The following EPHA3 variants were observed in gnomAD, a reference collection of about 807,000 sequenced individuals.
EPHA3 encodes the protein ephrin type-A receptor 3.
In EPHA3, 42 loss-of-function variants were observed where a neutral mutation model predicts 107.1. The ratio of observed to expected loss-of-function variants is 0.39; its 90% confidence interval spans 0.31 to 0.51. The LOEUF (loss-of-function observed/expected upper bound fraction) is 0.51. Ranked by LOEUF, EPHA3 falls within the 20% of genes least tolerant of loss-of-function variation. The pLI, the probability that EPHA3 is intolerant of heterozygous loss-of-function variation, is 0.78. For missense variants in EPHA3, 1,183 were observed against 1,211.2 expected (o/e 0.98, Z 0.35); for synonymous variants, 461 against 424.8 (o/e 1.09, Z -1.05).
chr3:89,391,249 A>G (rs1209972145), intron 5 of EPHA3, among the ~76,000 whole-genome samples: 1 of 152,128 alleles, frequency 6.6e-6, no homozygotes, highest in Admixed American at 6.5e-5. Flanking sequence ...TTTCTTTAGT[A>G]CTGGCGGTGT....
intron 2 of EPHA3, among the ~76,000 whole-genome samples, chr3:89,168,174 T>C (rs1705120885): frequency 6.6e-6 from 1 of 152,172 alleles, no homozygotes; most frequent in South Asian, 2.1e-4. Flanking sequence ...TAATTATTCA[T>C]AACTGCTATT....
intron 3 of EPHA3, among the ~76,000 whole-genome samples, chr3:89,305,882 T>G (rs1299993948): frequency 6.6e-6 from 1 of 152,178 alleles, no homozygotes; most frequent in Non-Finnish European, 1.5e-5. Flanking sequence ...AAACACCAGC[T>G]TAAATATCAT....
intron 3 of EPHA3, among the ~76,000 whole-genome samples, chr3:89,255,586 G>T (rs1223425849): frequency 1.3e-5 from 2 of 151,910 alleles, no homozygotes; most frequent in Non-Finnish European, 2.9e-5. Flanking sequence ...GAAAAACTGT[G>T]TCCAACCCTG....
intron 3 of EPHA3, among the ~76,000 whole-genome samples, chr3:89,275,077 T>C (rs1407247018): frequency 6.6e-6 from 1 of 152,006 alleles, no homozygotes; most frequent in African/African-American, 2.4e-5. Context: ...CAAGGTCAAA[T>C]AGATAGTAAG....
chr3:89,381,224 G>A (rs529331125), intron 5 of EPHA3, among the ~76,000 whole-genome samples: 6 of 151,696 alleles, frequency 4.0e-5, no homozygotes, highest in East Asian at 4.0e-4. Context: ...CGCCTGCCTC[G>A]GCCTCCCAGA....
chr3:89,291,475 A>T (rs1190428371), intron 3 of EPHA3, among the ~76,000 whole-genome samples: 1 of 152,150 alleles, frequency 6.6e-6, no homozygotes, highest in Non-Finnish European at 1.5e-5. Flanking sequence ...ATATATAGAG[A>T]TATAGATAAA....
chr3:89,394,345 A>G (rs1708806756), intron 5 of EPHA3, among the ~76,000 whole-genome samples: 1 of 152,214 alleles, frequency 6.6e-6, no homozygotes, highest in South Asian at 2.1e-4. Context: ...GTAAGCCGAG[A>G]TCACATCACT....
intron 3 of EPHA3, among the ~76,000 whole-genome samples, chr3:89,213,279 T>G (rs564566841): frequency 5.9e-4 from 90 of 152,090 alleles, no homozygotes; most frequent in Non-Finnish European, 1.1e-3. Context: ...AGAAACATCT[T>G]GCTTAGAACA....
intron 2 of EPHA3, among the ~76,000 whole-genome samples, chr3:89,180,231 C>T (rs1351439751): frequency 6.6e-6 from 1 of 151,786 alleles, no homozygotes. Context: ...TGCTATACAT[C>T]TAAGATATCT....
At chr3:89,422,724 C>CAA (rs776279790) in intron 11 of EPHA3, among the ~76,000 whole-genome samples, 12 of 151,196 alleles carry the variant, frequency 7.9e-5, no homozygotes, top group Non-Finnish European at 1.6e-4. Flanking sequence ...TTTTTTTGCT[C>CAA]AAAGATAAAT....
intron 12 of EPHA3, 124 bp from the exon 13 acceptor site, chr3:89,431,026 C>T: frequency 1.1e-6 from 1 of 919,968 alleles, no homozygotes; most frequent in Non-Finnish European, 1.6e-6. Context: ...GTCTTGAGTG[C>T]TTAGGACTAA....
chr3:89,417,723 T>C (rs1187085987), intron 10 of EPHA3, among the ~76,000 whole-genome samples: 2 of 151,480 alleles, frequency 1.3e-5, no homozygotes, highest in African/African-American at 4.8e-5. Flanking sequence ...ATCATTATCT[T>C]CTCTACACTT....
At chr3:89,115,860 C>G (rs1309894453) in intron 1 of EPHA3, among the ~76,000 whole-genome samples, 2 of 152,186 alleles carry the variant, frequency 1.3e-5, no homozygotes, top group African/African-American at 4.8e-5. Context: ...ACACAAATGA[C>G]TATGAACTAG....
chr3:89,114,305 C>T (rs1707197570), intron 1 of EPHA3, among the ~76,000 whole-genome samples: 1 of 152,148 alleles, frequency 6.6e-6, no homozygotes, highest in Admixed American at 6.5e-5. Flanking sequence ...AATGTGGCAA[C>T]AGGGAGATGA....
intron 2 of EPHA3, among the ~76,000 whole-genome samples, chr3:89,159,071 A>G (rs1451722813): frequency 1.3e-5 from 2 of 152,116 alleles, no homozygotes; most frequent in African/African-American, 2.4e-5. Flanking sequence ...TTAATATATT[A>G]GTTCATTTTG....
intron 7 of EPHA3, among the ~76,000 whole-genome samples, chr3:89,402,380 T>A (rs1708981655): frequency 6.6e-6 from 1 of 152,190 alleles, no homozygotes; most frequent in South Asian, 2.1e-4. Flanking sequence ...ATTTAAAAAC[T>A]GTGAGTTACA....
intron 3 of EPHA3, among the ~76,000 whole-genome samples, chr3:89,260,755 A>G (rs1705393584): frequency 6.6e-6 from 1 of 152,186 alleles, no homozygotes; most frequent in Non-Finnish European, 1.5e-5. Flanking sequence ...TGCTCTATTG[A>G]CAGAACATAA....
chr3:89,392,362 C>T (rs952095515), intron 5 of EPHA3, among the ~76,000 whole-genome samples: 2 of 151,900 alleles, frequency 1.3e-5, no homozygotes, highest in Admixed American at 6.6e-5. Context: ...TCTCTTGAAC[C>T]CGAGAAGTGG....
At chr3:89,170,667 A>G (rs1360711294) in intron 2 of EPHA3, among the ~76,000 whole-genome samples, 1 of 152,196 alleles carries the variant, frequency 6.6e-6, no homozygotes, top group African/African-American at 2.4e-5. Flanking sequence ...GCTCAAATAT[A>G]AATATTTAAC....
Sources: gnomAD v4.1 joint callset for allele counts (sites outside exome capture counted in the v4.1 genomes callset) on GRCh38, gnomAD v4.1.1 for gene constraint, MANE v1.5 for transcripts, NCBI Gene and HGNC (gene_info 2026-07-23, HGNC 2026-07-21) for gene names.